Variants in TNFRSF8 observed in about 807,000 individuals in gnomAD.
TNFRSF8 encodes tumor necrosis factor receptor superfamily member 8.
In TNFRSF8, 26 loss-of-function variants were observed where a neutral mutation model predicts 70.8. That is an observed-to-expected ratio of 0.37 (90% CI 0.27 to 0.51). TNFRSF8 has a LOEUF of 0.51. Among genes scored for constraint, TNFRSF8 ranks in the 20% least tolerant of loss-of-function variants. TNFRSF8 has a pLI of 0.94. For missense variants in TNFRSF8, 720 were observed against 807.9 expected (o/e 0.89, Z 1.32); for synonymous variants, 356 against 339.2 (o/e 1.05, Z -0.54).
intron 2 of TNFRSF8, 103 bp from the exon 3 acceptor site, chr1:12,096,998 G>A: frequency 1.2e-6 from 1 of 806,528 alleles, no homozygotes. Context: ...GGGGGTTGGA[G>A]GTGGAGCTGG....
rs1641794437 is a variant in TNFRSF8 at position 12,119,648 on chromosome 1, C to CG, written c.947-3636_947-3635insG. ...ACAGGGTCTCACTCTGTGTTCCAGG[C>CG]TGGAGTGCAGTGGCATGATCTTGGC... On this transcript the variant is annotated intron_variant, in intron 8 of 14. Transcript: ENST00000263932. This position sits in a 1 kb window ranked among gnomAD's most constrained non-coding sequence, Gnocchi z 4.4. 6.6e-6 allele frequency among the ~76,000 whole-genome samples: 1 copy of CG among 151,106 alleles called. No homozygotes were observed. The highest frequency in any genetic ancestry group is 1.5e-5 in the Non-Finnish European group (1 of 67,922).
At chr1:12,075,341 T>C (rs150469385) in intron 1 of TNFRSF8, among the ~76,000 whole-genome samples, 1,976 of 152,052 alleles carry the variant, frequency 0.013, 40 homozygotes, top group African/African-American at 0.045. Context: ...CCACCTTGGC[T>C]TCCCAAAGAG....
rs142444137 is a variant in TNFRSF8 at position 12,067,903 on chromosome 1, CG to C, written c.63+4251del. ...CAGGGAGGCAAGGACGGCGGGGGGG[CG>C]GGGGGGGGACCTGGAGAGGAGGGGA... On this transcript the variant is annotated intron_variant, in intron 1 of 14. Coordinates refer to ENST00000263932, the MANE Select transcript of TNFRSF8 (RefSeq NM_001243.5). Among the ~76,000 whole-genome samples the C allele has an allele frequency of 1.4e-3, 95 of 69,152 alleles. 1 individual carries two copies. Among genetic ancestry groups the C allele is most frequent in the African/African-American group, 3.8e-3 (71 of 18,660 alleles). 45.4% of individuals were successfully genotyped at this position (69,152 alleles called of 152,430 possible).
At chr1:12,132,736 G>T (rs1642070743) in intron 12 of TNFRSF8, among the ~76,000 whole-genome samples, 1 of 151,074 alleles carries the variant, frequency 6.6e-6, no homozygotes, top group African/African-American at 2.4e-5. Flanking sequence ...TACTTGGGAG[G>T]CTGAGGCAGG....
chr1:12,116,200 C>T (rs4846093), intron 8 of TNFRSF8, among the ~76,000 whole-genome samples: 8,273 of 151,950 alleles, frequency 0.054, 290 homozygotes, highest in East Asian at 0.077. Flanking sequence ...AGGCTGGTCT[C>T]GAACTCCCGA....
chr1:12,122,262 C>T (rs1174847787), intron 8 of TNFRSF8, among the ~76,000 whole-genome samples: 1 of 152,042 alleles, frequency 6.6e-6, no homozygotes, highest in Admixed American at 6.5e-5. Flanking sequence ...AACTCCTGAG[C>T]TCAAGTGATC....
intron 14 of TNFRSF8, among the ~76,000 whole-genome samples, chr1:12,140,604 T>C (rs1642234012): frequency 6.6e-6 from 1 of 152,210 alleles, no homozygotes. Flanking sequence ...TGGCCGGCTC[T>C]GAAGTTTCCA....
chr1:12,068,440 C>G (rs1162803676), intron 1 of TNFRSF8, among the ~76,000 whole-genome samples: 2 of 152,102 alleles, frequency 1.3e-5, no homozygotes, highest in African/African-American at 2.4e-5. Flanking sequence ...AGACTAGACA[C>G]GCAGAATGTC....
intron 8 of TNFRSF8, among the ~76,000 whole-genome samples, chr1:12,118,892 T>C (rs2101019389): frequency 1.3e-5 from 2 of 152,116 alleles, no homozygotes; most frequent in Non-Finnish European, 2.9e-5. Flanking sequence ...TGAGACAGAG[T>C]CTCACTCTGT....
chr1:12,096,676 T>C (rs891115550), intron 2 of TNFRSF8, among the ~76,000 whole-genome samples: 11 of 152,178 alleles, frequency 7.2e-5, no homozygotes, highest in African/African-American at 2.7e-4. Context: ...GGGACTGCTG[T>C]AGTACTTTAT....
chr1:12,090,857 C>T (rs1275716142), intron 2 of TNFRSF8, among the ~76,000 whole-genome samples: 1 of 152,136 alleles, frequency 6.6e-6, no homozygotes, highest in Admixed American at 6.5e-5. Flanking sequence ...TATCCCCCAA[C>T]CAATTCCTAT....
At chr1:12,066,722 A>T (rs1337324481) in intron 1 of TNFRSF8, among the ~76,000 whole-genome samples, 1 of 151,300 alleles carries the variant, frequency 6.6e-6, no homozygotes, top group Non-Finnish European at 1.5e-5. Context: ...GCGCAATCTC[A>T]GCTCACTGCA....
chr1:12,094,862 A>G (rs917534190), intron 2 of TNFRSF8, among the ~76,000 whole-genome samples: 6 of 151,646 alleles, frequency 4.0e-5, no homozygotes, highest in African/African-American at 1.5e-4. Flanking sequence ...ATGACCTCAA[A>G]TGATCCATGC....
chr1:12,108,021 G>A lies in TNFRSF8; in HGVS notation c.422-1545G>A, dbSNP rs955144036. On this transcript the variant is annotated intron_variant, in intron 4 of 14. Coordinates refer to ENST00000263932, the MANE Select transcript of TNFRSF8 (RefSeq NM_001243.5). The surrounding 1 kb of genome is among the most constrained non-coding windows in gnomAD (Gnocchi z 4.0). ...AGAACACGAGAGGTCAGCATTGCTCGCGCTCACCTCCACGGAAAGCTTCAG... is the reference window on the plus strand; with the variant it reads ...AGAACACGAGAGGTCAGCATTGCTCACGCTCACCTCCACGGAAAGCTTCAG... 6.6e-6 allele frequency among the ~76,000 whole-genome samples: 1 copy of A among 151,584 alleles called. No individual in the cohort carries two copies. Among genetic ancestry groups the A allele is most frequent in the Admixed American group, 6.6e-5 (1 of 15,174 alleles).
At chr1:12,115,963 C>T (rs1641721397) in intron 8 of TNFRSF8, among the ~76,000 whole-genome samples, 1 of 152,102 alleles carries the variant, frequency 6.6e-6, no homozygotes, top group South Asian at 2.1e-4. Context: ...AAAATTCTTC[C>T]TGAAATTATT....
rs748590228 is a variant in TNFRSF8 at position 12,113,705 on chromosome 1, CAGAG to C, written c.793+1697_793+1700del. Among the ~76,000 whole-genome samples the C allele has an allele frequency of 1.3e-5, 2 of 149,340 alleles. No homozygotes were observed. The highest frequency in any genetic ancestry group is 2.5e-5 in the African/African-American group (1 of 40,346). On this transcript the variant is annotated intron_variant, in intron 7 of 14. Transcript: ENST00000263932. This position sits in a 1 kb window ranked among gnomAD's most constrained non-coding sequence, Gnocchi z 4.9. ...AAAGACAGAAAGAGAGACTGAGAGA[CAGAG>C]AGAGACAGAGATAGAGTGTGACAGA...
chr1:12,133,980 C>T (rs1001964336), intron 12 of TNFRSF8, among the ~76,000 whole-genome samples: 1 of 152,144 alleles, frequency 6.6e-6, no homozygotes, highest in Non-Finnish European at 1.5e-5. Flanking sequence ...GCAGAGGTTG[C>T]AGTGAGCCAA....
intron 1 of TNFRSF8, chr1:12,080,516 C>T (rs1432459317): frequency 2.1e-6 from 1 of 484,430 alleles, no homozygotes; most frequent in Non-Finnish European, 4.0e-6. Context: ...CTTGTTTCTC[C>T]TGGGAACGCT....
intron 8 of TNFRSF8, among the ~76,000 whole-genome samples, chr1:12,122,330 C>T (rs982605162): frequency 2.6e-4 from 39 of 151,910 alleles, no homozygotes; most frequent in Non-Finnish European, 4.6e-4. Flanking sequence ...CCTACCCTGC[C>T]AGGGGATACT....
Sources: allele counts gnomAD v4.1 joint callset (sites outside exome capture counted in the v4.1 genomes callset), GRCh38; gene constraint gnomAD v4.1.1; non-coding constraint Gnocchi (gnomAD v3.1); transcripts MANE v1.5; gene names NCBI Gene and HGNC (gene_info 2026-07-23, HGNC 2026-07-21).